The following SYT3 variants were observed in gnomAD, a reference collection of about 807,000 sequenced individuals.
The protein encoded by SYT3 is synaptotagmin 3.
SYT3 carries 25 observed loss-of-function variants against 50.6 expected under a neutral mutation model. That is an observed-to-expected ratio of 0.49 (90% CI 0.36 to 0.69). The LOEUF is 0.69. Among genes scored for constraint, SYT3 ranks in the 30% least tolerant of loss-of-function variants. The pLI is 0.00. For synonymous variants in SYT3, 323 were observed against 353.9 expected (o/e 0.91, Z 0.98); for missense variants, 589 against 793.6 (o/e 0.74, Z 3.10).
rs17852897 is a variant in SYT3, at chr19:50,632,715, G to T, written c.245C>A (p.Pro82His). Residue 82 changes from proline (P) to histidine (H), a missense_variant, in exon 4 of 11, where the codon CCC becomes CAC. Coordinates refer to ENST00000600079, the MANE Select transcript of SYT3 (RefSeq NM_001160329.2). This position sits in a 1 kb window ranked among gnomAD's most constrained non-coding sequence, Gnocchi z 4.7. ...LFVSWKLCWV[P>H]WRDKGGSAVG... is the part of the protein sequence containing the mutation. ...TGCCGAGCCTCCCTTGTCCCGCCAG[G>T]GCACCCAGCACAACTTCCAGGACAC... The T allele has an allele frequency of 6.3e-7, 1 of 1,587,700 alleles. No homozygotes were observed.
At chr19:50,656,278 C>A in the SYT3 span, 1 of 1,536,192 alleles carries the variant, frequency 6.5e-7, no homozygotes, top group South Asian at 1.2e-5. Flanking sequence ...GGACCGAGAA[C>A]TCCCGTGCAT....
upstream of SYT3, among the ~76,000 whole-genome samples, chr19:50,642,624 G>T (rs575890932): frequency 6.6e-6 from 1 of 151,932 alleles, no homozygotes; most frequent in Admixed American, 6.5e-5. Context: ...ACCTGAGGTC[G>T]GGAGTTTGAG....
chr19:50,633,424 A>G (rs1418902628), intron 3 of SYT3, among the ~76,000 whole-genome samples: 1 of 152,246 alleles, frequency 6.6e-6, no homozygotes, highest in African/African-American at 2.4e-5. Flanking sequence ...TCTCTTAATC[A>G]CTAGACTTTG....
intron 9 of SYT3, among the ~76,000 whole-genome samples, chr19:50,623,601 A>C (rs1983928059): frequency 1.5e-5 from 2 of 133,676 alleles, no homozygotes; most frequent in African/African-American, 5.5e-5. Context: ...ACATGGCAAA[A>C]CCCTGTCTCT....
chr19:50,626,108 A>G, intron 6 of SYT3, 91 bp from the exon 7 acceptor site: 6 of 1,496,006 alleles, frequency 4.0e-6, no homozygotes, highest in South Asian at 1.3e-5. Flanking sequence ...CCTGCTTTAC[A>G]CCCTGACATC....
At chr19:50,635,283 T>C (rs949113360) in intron 3 of SYT3, among the ~76,000 whole-genome samples, 3 of 152,110 alleles carry the variant, frequency 2.0e-5, no homozygotes, top group African/African-American at 7.2e-5. Flanking sequence ...GGCAAGGACT[T>C]TATGAGCCTC....
the SYT3 span, among the ~76,000 whole-genome samples, chr19:50,644,926 T>C: frequency 6.6e-6 from 1 of 152,100 alleles, no homozygotes; most frequent in African/African-American, 2.4e-5. Flanking sequence ...GGGTGGATGT[T>C]GGAGAAATAG....
the SYT3 span, among the ~76,000 whole-genome samples, chr19:50,654,798 T>TA: frequency 1.3e-5 from 2 of 151,356 alleles, no homozygotes; most frequent in African/African-American, 4.9e-5. Flanking sequence ...CCCAGATAAT[T>TA]AAAAATTTTT....
In SYT3 at chr19:50,637,082, C is replaced by T. The variant is rs546732660; in HGVS notation, c.148+182G>A. On this transcript the variant is annotated intron_variant, in intron 3 of 10. Coordinates refer to ENST00000600079, the MANE Select transcript of SYT3 (RefSeq NM_001160329.2). The surrounding 1 kb of genome is among the most constrained non-coding windows in gnomAD (Gnocchi z 4.9). ...GGCCCACAGGGCAAAACTCAAAAAG[C>T]AGACCACACAGCTCCTTCCCCTTGG... Among the ~76,000 whole-genome samples the T allele has an allele frequency of 1.3e-5, 2 of 152,276 alleles. No individual in the cohort carries two copies. Among genetic ancestry groups the T allele is most frequent in the Admixed American group, 1.3e-4 (2 of 15,296 alleles).
At chr19:50,635,711 G>A (rs1459469694) in intron 3 of SYT3, among the ~76,000 whole-genome samples, 1 of 152,174 alleles carries the variant, frequency 6.6e-6, no homozygotes, top group Non-Finnish European at 1.5e-5. Context: ...AATCAGTCAC[G>A]TATATGAGGC....
chr19:50,643,823 A>G (rs1401036471), upstream of SYT3, among the ~76,000 whole-genome samples: 2 of 152,096 alleles, frequency 1.3e-5, no homozygotes, highest in Non-Finnish European at 2.9e-5. Flanking sequence ...AACTACACAT[A>G]CTAGGATCCT....
the SYT3 span, among the ~76,000 whole-genome samples, chr19:50,653,573 C>CGT: frequency 6.6e-6 from 1 of 151,748 alleles, no homozygotes; most frequent in Non-Finnish European, 1.5e-5. Context: ...GTCTACCGCA[C>CGT]GTGTGTGTGT....
the SYT3 span, chr19:50,649,801 A>G: frequency 1.8e-6 from 1 of 543,460 alleles, no homozygotes; most frequent in Non-Finnish European, 3.5e-6. Context: ...CTCCTAGGTA[A>G]CCTCACTGTC....
chr19:50,643,243 C>T (rs913313204), upstream of SYT3, among the ~76,000 whole-genome samples: 17 of 152,094 alleles, frequency 1.1e-4, no homozygotes, highest in African/African-American at 4.1e-4. Flanking sequence ...TGGTGGCACA[C>T]ACCTGTAGTC....
chr19:50,654,021 T>A, the SYT3 span, among the ~76,000 whole-genome samples: 1 of 152,226 alleles, frequency 6.6e-6, no homozygotes, highest in South Asian at 2.1e-4. Context: ...TTTGTTGTGT[T>A]GAGACATGAT....
chr19:50,643,052 G>C (rs2123030552), upstream of SYT3, among the ~76,000 whole-genome samples: 1 of 152,080 alleles, frequency 6.6e-6, no homozygotes, highest in South Asian at 2.1e-4. Context: ...CACACATCTG[G>C]AAAGTGTGAG....
At chr19:50,649,462 G>C in the SYT3 span, 4 of 1,536,214 alleles carry the variant, frequency 2.6e-6, no homozygotes, top group Non-Finnish European at 3.5e-6. Context: ...CAGAGGTGGA[G>C]CCCGTGTGCT....
At chr19:50,651,571 G>C in the SYT3 span, among the ~76,000 whole-genome samples, 2 of 152,028 alleles carry the variant, frequency 1.3e-5, no homozygotes, top group East Asian at 3.9e-4. Context: ...TGAGATGCCT[G>C]TTAAAAAAAT....
Position 50,625,338 on chromosome 19 carries a change from G to T in SYT3, c.1575-44C>A. The T allele has an allele frequency of 6.5e-7, 1 of 1,536,872 alleles. No homozygotes were observed. Among genetic ancestry groups the T allele is most frequent in the Non-Finnish European group, 8.7e-7 (1 of 1,143,294 alleles). On this transcript the variant is annotated intron_variant, in intron 8 of 10. Coordinates refer to ENST00000600079, the MANE Select transcript of SYT3 (RefSeq NM_001160329.2). The surrounding 1 kb of genome is among the most constrained non-coding windows in gnomAD (Gnocchi z 7.5). ...GAGGACCGTGGAGGGTGGTGGGAGGGCCTGTCCCCACCCCAGCCCTCCTGC... is the reference window on the plus strand; with the variant it reads ...GAGGACCGTGGAGGGTGGTGGGAGGTCCTGTCCCCACCCCAGCCCTCCTGC...
Sources: allele counts gnomAD v4.1 joint callset (sites outside exome capture counted in the v4.1 genomes callset), GRCh38; gene constraint gnomAD v4.1.1; non-coding constraint Gnocchi (gnomAD v3.1); transcripts MANE v1.5; gene names NCBI Gene and HGNC (gene_info 2026-07-23, HGNC 2026-07-21).